Variants in PIP5K1A observed in about 807,000 individuals in gnomAD.
PIP5K1A encodes the protein phosphatidylinositol-4-phosphate 5-kinase type 1 alpha, also known as phosphatidylinositol 4-phosphate 5-kinase type-1 alpha.
Under a neutral mutation model 72.9 loss-of-function variants are expected in PIP5K1A, and 46 were observed. That is an observed-to-expected ratio of 0.63 (90% CI 0.50 to 0.81). The LOEUF is 0.81. PIP5K1A is among the 30% of genes least tolerant of loss of function. The pLI is 0.00. For missense variants in PIP5K1A, 458 were observed against 706.1 expected, an observed-to-expected ratio of 0.65 and a Z score of 3.98; for synonymous variants, 228 against 255.1, an observed-to-expected ratio of 0.89 and a Z score of 1.01.
At chr1:151,218,022 G>T (rs958577304) in intron 1 of PIP5K1A, among the ~76,000 whole-genome samples, 2 of 152,100 alleles carry the variant, frequency 1.3e-5, no homozygotes, top group Admixed American at 6.6e-5. Flanking sequence ...GTGATCCACT[G>T]CCCACCTTGG....
chr1:151,227,438 G>C, intron 4 of PIP5K1A, 38 bp downstream of exon 4: 1 of 1,344,564 alleles, frequency 7.4e-7, no homozygotes, highest in Non-Finnish European at 1.1e-6. Flanking sequence ...TACTCCAGGA[G>C]CTCAGCAGCT....
chr1:151,198,936 G>T lies in PIP5K1A; in HGVS notation c.-61G>T, dbSNP rs908662870. ...AGAGACGTTGGGAAGATTCGATTCC[G>T]AGAAGAGGAAGAACCGGATTGAAAG... On this transcript the variant is annotated 5_prime_UTR_variant, in exon 1 of 16. Coordinates refer to ENST00000368888, the MANE Select transcript of PIP5K1A (RefSeq NM_001135638.2). 1.3e-6 allele frequency: 2 copies of T among 1,492,240 alleles called. No homozygotes were observed. Among genetic ancestry groups the T allele is most frequent in the South Asian group, 2.3e-5 (2 of 88,674 alleles). The allele number at this position is 1,492,240 out of a possible 1,614,324, so 92.4% of individuals were successfully genotyped here.
At chr1:151,233,121 T>A (rs1258544204) in intron 7 of PIP5K1A, among the ~76,000 whole-genome samples, 3 of 144,404 alleles carry the variant, frequency 2.1e-5, no homozygotes, top group African/African-American at 2.5e-5. Context: ...AAAAAAAATG[T>A]TGTTCAGTTT....
intron 1 of PIP5K1A, among the ~76,000 whole-genome samples, chr1:151,208,398 T>G (rs967525966): frequency 2.7e-5 from 4 of 145,738 alleles, no homozygotes; most frequent in Non-Finnish European, 4.5e-5. Flanking sequence ...TCTCACTCTG[T>G]CGCCTAGGCT....
chr1:151,218,012 G>A (rs1687885434), intron 1 of PIP5K1A, among the ~76,000 whole-genome samples: 1 of 152,160 alleles, frequency 6.6e-6, no homozygotes, highest in African/African-American at 2.4e-5. Context: ...CTGGCCTCAG[G>A]TGATCCACTG....
intron 11 of PIP5K1A, 46 bp from the exon 12 acceptor site, chr1:151,239,909 C>T: frequency 3.1e-6 from 4 of 1,298,748 alleles, no homozygotes; most frequent in Admixed American, 4.1e-5. Context: ...ACTAGAGTTC[C>T]TCTTGCCGGG....
rs587694239 is a variant in PIP5K1A at position 151,240,722 on chromosome 1, G to A, written c.1363+683G>A. The stretch of plus-strand genomic sequence containing the variant: ...GCAGGAGGATCGGTTAAGCCCGATA[G>A]TTTGGAACCAGCCTGGGCAACATCA... On this transcript the variant is annotated intron_variant, in intron 12 of 15. Coordinates refer to ENST00000368888, the MANE Select transcript of PIP5K1A (RefSeq NM_001135638.2). Among the ~76,000 whole-genome samples the A allele has an allele frequency of 5.9e-5, 9 of 152,266 alleles. No homozygotes were observed. In the East Asian group the frequency reaches 1.7e-3, roughly 29 times the overall value.
rs140435966 is a variant in PIP5K1A, at chr1:151,199,070, C to T, written c.74C>T (p.Thr25Ile). 1 of 1,614,098 alleles carries T rather than the reference C, an allele frequency of 6.2e-7. No individual in the cohort carries two copies. Among genetic ancestry groups the T allele is most frequent in the Non-Finnish European group, 8.5e-7 (1 of 1,180,022 alleles). The change falls in exon 1 of 16, where the codon ACC (threonine) becomes ATC (isoleucine). Residue 25 changes from threonine to isoleucine, a missense_variant. Transcript: ENST00000368888. ...SSFDPAVPSC[T>I]LSSAASGIKR... ...TTTGATCCCGCGGTCCCTTCCTGTACCTTGTCCTCAGGTAAGCCCGGCAGG... is the reference window on the plus strand; with the variant it reads ...TTTGATCCCGCGGTCCCTTCCTGTATCTTGTCCTCAGGTAAGCCCGGCAGG...
chr1:151,200,152 T>A (rs1685016378), intron 1 of PIP5K1A, among the ~76,000 whole-genome samples: 1 of 149,972 alleles, frequency 6.7e-6, no homozygotes, highest in South Asian at 2.1e-4. Context: ...CGAGAAGTGA[T>A]GTTTTGGAAA....
chr1:151,198,617 A>C lies in PIP5K1A; in HGVS notation c.-380A>C, dbSNP rs1238362847. The C allele has an allele frequency of 4.4e-6, 1 of 227,194 alleles. No homozygotes were observed. The highest frequency in any genetic ancestry group is 2.3e-5 in the African/African-American group (1 of 43,682). The allele number at this position is 227,194 out of a possible 1,614,324, so 14.1% of individuals were successfully genotyped here. A position where few individuals can be genotyped will look rare whatever the true frequency, so the allele number is the denominator to read the frequency against. On this transcript the variant is annotated 5_prime_UTR_variant, in exon 1 of 16. Transcript: ENST00000368888. ...GGCGATTAACAGGCCGTGGTTAGGA[A>C]GGACGGAGAAGGGGCGTTCGCTCCT...
chr1:151,234,368 C>T lies in PIP5K1A; in HGVS notation c.811C>T (p.Gln271Ter). ...KGSTYKRRAS[Q>*]KEREKPLPTF... Reference sequence around the variant, plus strand: ...CTCAACCTACAAACGGCGGGCTTCCCAGAAAGAGCGAGAGAAGCCTCTTCC... The same window carrying T: ...CTCAACCTACAAACGGCGGGCTTCCTAGAAAGAGCGAGAGAAGCCTCTTCC... Residue 271 changes from glutamine to a stop codon, truncating the protein, a stop_gained, in exon 8 of 16, where the codon CAG becomes TAG. Transcript: ENST00000368888. LOFTEE classifies it high-confidence loss of function. The T allele has an allele frequency of 6.2e-7, 1 of 1,614,030 alleles. No individual in the cohort carries two copies.
In PIP5K1A at chr1:151,232,230, C is replaced by T. The variant is rs762730256; in HGVS notation, c.369-18C>T. The T allele has an allele frequency of 2.5e-5, 39 of 1,548,346 alleles. No homozygotes were observed. In the Admixed American group the frequency reaches 6.5e-4, roughly 26 times the overall value. ...ATAGGGACTGGCAAGTTATGGCTAC[C>T]TCTGTTTAACCCCACAGTGAAGGGA... On this transcript the variant is annotated intron_variant, in intron 5 of 15. Coordinates refer to ENST00000368888, the MANE Select transcript of PIP5K1A (RefSeq NM_001135638.2).
chr1:151,203,822 C>CAA (rs587774732), intron 1 of PIP5K1A, among the ~76,000 whole-genome samples: 3 of 83,584 alleles, frequency 3.6e-5, no homozygotes, highest in South Asian at 3.5e-4. Context: ...GACTCTGTCT[C>CAA]AAAAAAAAAA....
At chr1:151,212,182 G>C (rs980012436) in intron 1 of PIP5K1A, among the ~76,000 whole-genome samples, 7 of 152,106 alleles carry the variant, frequency 4.6e-5, no homozygotes, top group African/African-American at 1.7e-4. Flanking sequence ...GGCTGGTGCG[G>C]TAGCTTAACG....
At chr1:151,216,401 C>A (rs1687624347) in intron 1 of PIP5K1A, among the ~76,000 whole-genome samples, 1 of 151,428 alleles carries the variant, frequency 6.6e-6, no homozygotes. Context: ...AGTTCATGGT[C>A]TTCTTCTAAG....
At chr1:151,233,192 CTGTTT>C (rs899237968) in intron 7 of PIP5K1A, 5 of 154,474 alleles carry the variant, frequency 3.2e-5, no homozygotes, top group Admixed American at 2.0e-4. Flanking sequence ...TTTATCTGTT[CTGTTT>C]TAAGTGTTGT....
At chr1:151,201,984 C>A (rs1478702838) in intron 1 of PIP5K1A, among the ~76,000 whole-genome samples, 2 of 152,194 alleles carry the variant, frequency 1.3e-5, no homozygotes, top group Non-Finnish European at 2.9e-5. Flanking sequence ...AGTAGTTAAA[C>A]ATCTCTTAGA....
chr1:151,227,404 T>G lies in PIP5K1A; in HGVS notation c.237+4T>G. On this transcript the variant is annotated splice_donor_region_variant and intron_variant, in intron 4 of 15. Transcript: ENST00000368888. Reference sequence around the variant, plus strand: ...AGGAGAGACAACATATAAAAAGGTGTGTCTGGATGAAACCGTCTCATCTTA... The same window carrying G: ...AGGAGAGACAACATATAAAAAGGTGGGTCTGGATGAAACCGTCTCATCTTA... 6.2e-7 allele frequency: 1 copy of G among 1,601,742 alleles called. No individual in the cohort carries two copies. Among genetic ancestry groups the G allele is most frequent in the Non-Finnish European group, 8.6e-7 (1 of 1,169,312 alleles).
chr1:151,202,670 T>C (rs1258034847), intron 1 of PIP5K1A, among the ~76,000 whole-genome samples: 1 of 152,078 alleles, frequency 6.6e-6, no homozygotes. Flanking sequence ...GGTTTCACCA[T>C]GTTGGCCAGG....
Sources: gnomAD v4.1 joint callset for allele counts (sites outside exome capture counted in the v4.1 genomes callset) on GRCh38, gnomAD v4.1.1 for gene constraint, MANE v1.5 for transcripts, NCBI Gene and HGNC (gene_info 2026-07-23, HGNC 2026-07-21) for gene names.